Variants in PLCH1 observed in about 807,000 individuals in gnomAD.
PLCH1 encodes the protein phospholipase C eta 1.
Under a neutral mutation model 126.7 loss-of-function variants are expected in PLCH1, and 60 were observed. The observed-to-expected ratio is 0.47, with a 90% confidence interval of 0.38 to 0.59. PLCH1 has a LOEUF of 0.59. Ranked by LOEUF, PLCH1 falls within the 20% of genes least tolerant of loss-of-function variation. PLCH1 has a pLI of 0.00. For missense variants in PLCH1, 1,723 were observed against 2,040.0 expected, an observed-to-expected ratio of 0.84 and a Z score of 2.99; for synonymous variants, 719 against 734.9, an observed-to-expected ratio of 0.98 and a Z score of 0.35.
At chr3:155,641,088 G>T (rs1200169508) in intron 2 of PLCH1, among the ~76,000 whole-genome samples, 1 of 151,662 alleles carries the variant, frequency 6.6e-6, no homozygotes, top group Non-Finnish European at 1.5e-5. Context: ...CTGAAATGGA[G>T]ACTATCATGG....
rs376817799 is a variant in PLCH1, at chr3:155,496,784, C to T, written c.1894+536G>A. On this transcript the variant is annotated intron_variant, in intron 15 of 22. Coordinates refer to ENST00000460012, the MANE Select transcript of PLCH1 (RefSeq NM_014996.4). ...AGATGTGACTAGAATTTCTCAGCTC[C>T]GTGTGGCAACTGATAGGTAAAAAAC... is the stretch of plus-strand genomic sequence containing the variant. Among the ~76,000 whole-genome samples, 37 of 152,192 alleles carry T rather than the reference C, an allele frequency of 2.4e-4. No homozygotes were observed. The South Asian group carries it at 5.2e-3, about 21-fold the overall frequency.
At chr3:155,609,281 C>T (rs937179070) in intron 2 of PLCH1, among the ~76,000 whole-genome samples, 3 of 152,146 alleles carry the variant, frequency 2.0e-5, no homozygotes, top group Admixed American at 6.5e-5. Flanking sequence ...TGGCTAGACC[C>T]AGAAGAGCAA....
chr3:155,517,825 G>T (rs890366720), intron 11 of PLCH1, among the ~76,000 whole-genome samples: 1 of 152,020 alleles, frequency 6.6e-6, no homozygotes, highest in African/African-American at 2.4e-5. Context: ...AAGAGTAGGG[G>T]GACAGCATTT....
intron 6 of PLCH1, among the ~76,000 whole-genome samples, chr3:155,576,602 C>T (rs1489583118): frequency 3.3e-5 from 5 of 152,162 alleles, no homozygotes; most frequent in Non-Finnish European, 1.5e-5. Context: ...CATTTCACAA[C>T]TGAGTAAACC....
rs191183809 is a variant in PLCH1, at chr3:155,480,588, A to T, written c.*380T>A. ...CCCTTTGTCGTTTGCAAAGTCTCTT[A>T]ATCAACTCAACAGTTAGAGAGTAAA... On this transcript the variant is annotated 3_prime_UTR_variant, in exon 23 of 23. Transcript: ENST00000460012. 2 of 167,196 alleles carry T rather than the reference A, an allele frequency of 1.2e-5. No homozygotes were observed. Among genetic ancestry groups the T allele is most frequent in the Admixed American group, 1.2e-4 (2 of 17,326 alleles). The allele number at this position is 167,196 out of a possible 1,614,324, so 10.4% of individuals were successfully genotyped here.
intron 2 of PLCH1, among the ~76,000 whole-genome samples, chr3:155,661,323 T>C (rs1313972318): frequency 6.6e-6 from 1 of 152,174 alleles, no homozygotes; most frequent in Non-Finnish European, 1.5e-5. Context: ...AGAGCAACCC[T>C]AGCTGGAGGG....
At chr3:155,566,094 T>G (rs575437091) in intron 7 of PLCH1, among the ~76,000 whole-genome samples, 2 of 141,610 alleles carry the variant, frequency 1.4e-5, no homozygotes, top group South Asian at 2.1e-4. Context: ...CTTTTAAATA[T>G]AACCTAATAT....
At chr3:155,546,609 G>A (rs917786551) in intron 10 of PLCH1, among the ~76,000 whole-genome samples, 44 of 152,138 alleles carry the variant, frequency 2.9e-4, no homozygotes, top group African/African-American at 1.0e-3. Context: ...GAACAAGGCT[G>A]GAGGCATCAC....
In PLCH1 at chr3:155,488,112, TAA is replaced by T; in HGVS notation, c.2540-7_2540-6del. 10 of 1,594,136 alleles carry T rather than the reference TAA, an allele frequency of 6.3e-6. No homozygotes were observed. The highest frequency in any genetic ancestry group is 8.6e-6 in the Non-Finnish European group (10 of 1,161,766). On this transcript the variant is annotated splice_polypyrimidine_tract_variant and splice_region_variant and intron_variant, in intron 20 of 22. Coordinates refer to ENST00000460012, the MANE Select transcript of PLCH1 (RefSeq NM_014996.4). The stretch of plus-strand genomic sequence containing the variant: ...CCAAATAGACATGCCGGTAGCCTGA[TAA>T]AAGGAAAGAGAGTCGTTTCTTTTTA...
At chr3:155,628,168 A>C (rs150942172) in intron 2 of PLCH1, among the ~76,000 whole-genome samples, 20 of 152,134 alleles carry the variant, frequency 1.3e-4, no homozygotes, top group African/African-American at 4.8e-4. Context: ...ACACTATATA[A>C]AAAGGGGTTC....
intron 2 of PLCH1, among the ~76,000 whole-genome samples, chr3:155,622,285 C>T (rs1429749300): frequency 6.6e-6 from 1 of 152,204 alleles, no homozygotes; most frequent in Non-Finnish European, 1.5e-5. Flanking sequence ...AAAGAACAAC[C>T]AGTACCAGCC....
chr3:155,689,217 G>A (rs1197475489), intron 2 of PLCH1, among the ~76,000 whole-genome samples: 2 of 152,134 alleles, frequency 1.3e-5, no homozygotes, highest in Non-Finnish European at 2.9e-5. Flanking sequence ...GACCACCAAG[G>A]TGATAACTCT....
intron 10 of PLCH1, among the ~76,000 whole-genome samples, chr3:155,543,153 G>A (rs986710954): frequency 6.6e-6 from 1 of 152,158 alleles, no homozygotes; most frequent in Non-Finnish European, 1.5e-5. Context: ...AAATTTAGAC[G>A]AATGTATAAC....
At chr3:155,710,596 G>A (rs1004031829) in intron 1 of PLCH1, among the ~76,000 whole-genome samples, 1 of 152,108 alleles carries the variant, frequency 6.6e-6, no homozygotes, top group Non-Finnish European at 1.5e-5. Context: ...ACTTTGGGAG[G>A]CCGAGGTGGG....
chr3:155,486,065 G>C (rs185733343), intron 21 of PLCH1: 31 of 837,358 alleles, frequency 3.7e-5, no homozygotes, highest in South Asian at 2.5e-4. Flanking sequence ...CAGGAAGATG[G>C]AGTGATATGA....
At chr3:155,672,186 T>G (rs1404890737) in intron 2 of PLCH1, among the ~76,000 whole-genome samples, 1 of 152,124 alleles carries the variant, frequency 6.6e-6, no homozygotes, top group Non-Finnish European at 1.5e-5. Flanking sequence ...AGTTGGCAGT[T>G]CTCCTGAGTT....
intron 2 of PLCH1, among the ~76,000 whole-genome samples, chr3:155,662,223 T>C (rs1030977474): frequency 2.6e-5 from 4 of 152,146 alleles, no homozygotes; most frequent in African/African-American, 9.7e-5. Context: ...GAGGCCAAGG[T>C]GGGAGAATCC....
intron 2 of PLCH1, among the ~76,000 whole-genome samples, chr3:155,615,301 T>C (rs1735659176): frequency 6.6e-6 from 1 of 152,162 alleles, no homozygotes; most frequent in African/African-American, 2.4e-5. Flanking sequence ...TTGGCATGGA[T>C]GTTGTGAACA....
At chr3:155,542,041 G>A (rs921460928) in intron 10 of PLCH1, among the ~76,000 whole-genome samples, 1 of 152,208 alleles carries the variant, frequency 6.6e-6, no homozygotes, top group African/African-American at 2.4e-5. Context: ...GCGCAGGACA[G>A]TGGGTGCAGT....
Sources: gnomAD v4.1 joint callset for allele counts (sites outside exome capture counted in the v4.1 genomes callset) on GRCh38, gnomAD v4.1.1 for gene constraint, MANE v1.5 for transcripts, NCBI Gene and HGNC (gene_info 2026-07-23, HGNC 2026-07-21) for gene names.